The following KPNA1 variants were observed in gnomAD, a reference collection of about 807,000 sequenced individuals.
KPNA1 encodes the protein karyopherin subunit alpha 1.
In KPNA1, 10 loss-of-function variants were observed where a neutral mutation model predicts 70.5. The observed-to-expected ratio is 0.14, with a 90% CI of 0.09 to 0.24. KPNA1 has a LOEUF of 0.24. KPNA1 is among the 10% of genes least tolerant of loss of function. The pLI, the probability that KPNA1 is intolerant of heterozygous loss-of-function variation, is 1.00. For synonymous variants in KPNA1, 192 were observed against 221.9 expected (o/e 0.87, Z 1.20); for missense variants, 397 against 637.9 (o/e 0.62, Z 4.07).
intron 2 of KPNA1, among the ~76,000 whole-genome samples, chr3:122,486,626 C>G (rs1013236996): frequency 6.6e-6 from 1 of 151,500 alleles, no homozygotes; most frequent in Admixed American, 6.6e-5. Context: ...CTCGCTCTGT[C>G]GCCCAGGCTG....
rs1332274149 is a variant in KPNA1, at chr3:122,467,039, ATAAATAAATAAATAAG to A, written c.237+267_237+282del. The stretch of plus-strand genomic sequence containing the variant: ...AATAAATAAATAAATAAATAAATAA[ATAAATAAATAAATAAG>A]GTGTCTATTCTTATTCAACTTTTAA... On this transcript the variant is annotated intron_variant, in intron 3 of 13. Coordinates refer to ENST00000344337, the MANE Select transcript of KPNA1 (RefSeq NM_002264.4). Among the ~76,000 whole-genome samples, 4 of 151,326 alleles carry A rather than the reference ATAAATAAATAAATAAG, an allele frequency of 2.6e-5. No individual in the cohort carries two copies. The East Asian group carries it at 7.7e-4, about 29-fold the overall frequency.
At chr3:122,485,036 T>A (rs1402103110) in intron 2 of KPNA1, among the ~76,000 whole-genome samples, 1 of 152,162 alleles carries the variant, frequency 6.6e-6, no homozygotes, top group East Asian at 1.9e-4. Context: ...TATCTGGGAC[T>A]ATAGGTGCAT....
intron 2 of KPNA1, among the ~76,000 whole-genome samples, chr3:122,495,582 T>A (rs1010746445): frequency 1.3e-5 from 2 of 152,118 alleles, no homozygotes; most frequent in African/African-American, 4.8e-5. Context: ...ATAAAATGTG[T>A]TTTGAGAATA....
intron 11 of KPNA1, among the ~76,000 whole-genome samples, chr3:122,436,033 C>T (rs1401391563): frequency 1.3e-5 from 2 of 152,188 alleles, no homozygotes; most frequent in African/African-American, 2.4e-5. Flanking sequence ...AGAAATATTA[C>T]TGAATTCTTT....
intron 2 of KPNA1, among the ~76,000 whole-genome samples, chr3:122,473,199 A>C (rs1310753905): frequency 1.3e-5 from 2 of 152,194 alleles, no homozygotes; most frequent in Non-Finnish European, 2.9e-5. Context: ...ACAAGAAACA[A>C]TCTGAATAGG....
At chr3:122,438,536 G>A (rs979707297) in intron 10 of KPNA1, among the ~76,000 whole-genome samples, 8 of 151,880 alleles carry the variant, frequency 5.3e-5, no homozygotes, top group Admixed American at 1.3e-4. Context: ...ACAGGCATGC[G>A]CCACCACGCC....
At chr3:122,472,519 TA>T (rs141116442) in intron 2 of KPNA1, among the ~76,000 whole-genome samples, 57,028 of 151,350 alleles carry the variant, frequency 0.38, 11,138 homozygotes, top group East Asian at 0.54. Context: ...TCAATCACCT[TA>T]AAAAAAACAG....
intron 2 of KPNA1, among the ~76,000 whole-genome samples, chr3:122,473,368 TC>T (rs1432302180): frequency 2.0e-5 from 3 of 152,208 alleles, no homozygotes; most frequent in Non-Finnish European, 4.4e-5. Flanking sequence ...ACTTCCTAAC[TC>T]ATTCAGTAGA....
intron 12 of KPNA1, among the ~76,000 whole-genome samples, chr3:122,429,810 A>G (rs1425485182): frequency 6.6e-6 from 1 of 152,238 alleles, no homozygotes; most frequent in Non-Finnish European, 1.5e-5. Flanking sequence ...TAATCAAGAC[A>G]GTGTGGTATT....
At chr3:122,434,652 T>G (rs542290341) in intron 11 of KPNA1, among the ~76,000 whole-genome samples, 1 of 152,350 alleles carries the variant, frequency 6.6e-6, no homozygotes, top group East Asian at 1.9e-4. Context: ...CATGCTATTC[T>G]CCAAGCCACC....
chr3:122,477,752 A>T (rs966555815), intron 2 of KPNA1, among the ~76,000 whole-genome samples: 1 of 152,104 alleles, frequency 6.6e-6, no homozygotes, highest in Non-Finnish European at 1.5e-5. Context: ...GATGATCTGT[A>T]TATTAATTTG....
At position 122,424,144 on chromosome 3, in the gene KPNA1, T is replaced by C. The variant is rs1234500270; in HGVS notation, c.*2841A>G. On this transcript the variant is annotated 3_prime_UTR_variant, in exon 14 of 14. Transcript: ENST00000344337. ...AAGTTCTCATTACAAATAATATAGA[T>C]TGGAAGTTTGGAGGATGGAGGGGAA... 1 of 152,094 alleles carries C rather than the reference T, an allele frequency of 6.6e-6. No individual in the cohort carries two copies. The highest frequency in any genetic ancestry group is 6.6e-5 in the Admixed American group (1 of 15,258). 9.4% of individuals were successfully genotyped at this position (152,094 alleles called of 1,614,324 possible).
intron 1 of KPNA1, among the ~76,000 whole-genome samples, chr3:122,509,646 T>A (rs2076934124): frequency 6.6e-6 from 1 of 152,180 alleles, no homozygotes; most frequent in African/African-American, 2.4e-5. Context: ...ACAGCTCCAC[T>A]ACATATTTTA....
At chr3:122,432,869 TC>T (rs1433348045) in intron 12 of KPNA1, 2 of 152,196 alleles carry the variant, frequency 1.3e-5, no homozygotes, top group Non-Finnish European at 2.9e-5. Flanking sequence ...TCGCCGGAGC[TC>T]CGGAATTCAA....
At chr3:122,500,579 C>T (rs2076816640) in intron 1 of KPNA1, among the ~76,000 whole-genome samples, 1 of 151,970 alleles carries the variant, frequency 6.6e-6, no homozygotes, top group Non-Finnish European at 1.5e-5. Context: ...CTCACTGTAG[C>T]ATCAACCTCC....
At chr3:122,457,245 G>C (rs1388429297) in intron 5 of KPNA1, among the ~76,000 whole-genome samples, 1 of 151,892 alleles carries the variant, frequency 6.6e-6, no homozygotes, top group East Asian at 1.9e-4. Context: ...TTTCAGCCTT[G>C]GGTACTAGAT....
chr3:122,460,472 A>G (rs2076311490), intron 5 of KPNA1: 3 of 255,412 alleles, frequency 1.2e-5, no homozygotes, highest in South Asian at 1.5e-4. Context: ...CCTCATCTCT[A>G]CTAAAAATAA....
chr3:122,513,969 C>T (rs1428660713), intron 1 of KPNA1, among the ~76,000 whole-genome samples: 2 of 152,184 alleles, frequency 1.3e-5, no homozygotes, highest in African/African-American at 4.8e-5. Flanking sequence ...ATATTTTGAA[C>T]GCTTTCATTT....
At position 122,480,641 on chromosome 3, in the gene KPNA1, T is replaced by C. The variant is rs1481667266; in HGVS notation, c.130-13212A>G. Among the ~76,000 whole-genome samples the C allele has an allele frequency of 4.6e-5, 7 of 151,638 alleles. No individual in the cohort carries two copies. In the South Asian group the frequency reaches 8.3e-4, roughly 18 times the overall value. ...AAGACCATCGGAAACAGTAATAATG[T>C]GGTACAATTTTTTTTAAACTTTTCT... On this transcript the variant is annotated intron_variant, in intron 2 of 13. Transcript: ENST00000344337.
Sources: gnomAD v4.1 joint callset for allele counts (sites outside exome capture counted in the v4.1 genomes callset) on GRCh38, gnomAD v4.1.1 for gene constraint, MANE v1.5 for transcripts, NCBI Gene and HGNC (gene_info 2026-07-23, HGNC 2026-07-21) for gene names.